POLD1: variants seen among roughly 807,000 people sequenced by gnomAD.
The protein encoded by POLD1 is DNA polymerase delta 1, catalytic subunit.
POLD1 carries 79 observed loss-of-function variants against 129.7 expected under a neutral mutation model. That is an observed-to-expected ratio of 0.61 (90% CI 0.51 to 0.73). The LOEUF is 0.73. POLD1 is among the 30% of genes least tolerant of loss of function. The probability of loss-of-function intolerance (pLI) is 0.00; values close to 1 mark genes in which losing one functional copy is unlikely to be tolerated. For synonymous variants in POLD1, 714 were observed against 683.3 expected, an observed-to-expected ratio of 1.04 and a Z score of -0.70; for missense variants, 1,338 against 1,595.8, an observed-to-expected ratio of 0.84 and a Z score of 2.75.
At chr19:50,403,669 C>T in intron 10 of POLD1, 72 bp downstream of exon 10, 1 of 936,878 alleles carries the variant, frequency 1.1e-6, no homozygotes. Flanking sequence ...GGCCTCCTTC[C>T]CACTCCCTCT....
chr19:50,398,590 A>AG (rs1372709378), intron 1 of POLD1, among the ~76,000 whole-genome samples: 1 of 151,410 alleles, frequency 6.6e-6, no homozygotes, highest in Non-Finnish European at 1.5e-5. Flanking sequence ...AAAAAAAAAA[A>AG]AAGCAAGAGA....
At chr19:50,388,950 A>C (rs2038060458) in intron 1 of POLD1, among the ~76,000 whole-genome samples, 1 of 146,072 alleles carries the variant, frequency 6.8e-6, no homozygotes, top group Non-Finnish European at 1.5e-5. Flanking sequence ...CTCCTATTGC[A>C]GCTTCCTGAG....
At chr19:50,400,324 G>C (rs2038547679) in intron 3 of POLD1, among the ~76,000 whole-genome samples, 1 of 144,882 alleles carries the variant, frequency 6.9e-6, no homozygotes, top group African/African-American at 2.6e-5. Context: ...GGGTTCAAGT[G>C]ATCCTTCTTC....
Position 50,413,895 on chromosome 19 carries a change from A to AGG in POLD1, c.2388+19_2388+20dup. 6.3e-7 allele frequency: 1 copy of AGG among 1,578,004 alleles called. No homozygotes were observed. Among genetic ancestry groups the AGG allele is most frequent in the Non-Finnish European group, 8.6e-7 (1 of 1,161,822 alleles). Reference sequence around the variant, plus strand: ...GTTTGAGAAGGTGCGTGGCTGGGTCAGGGGCTCTGCATTTAGGTGCCCTCA... The same window carrying AGG: ...GTTTGAGAAGGTGCGTGGCTGGGTCAGGGGGGCTCTGCATTTAGGTGCCCTCA... On this transcript the variant is annotated intron_variant, in intron 19 of 26. Transcript: ENST00000440232.
rs878854543 is a variant in POLD1 at position 50,416,401 on chromosome 19, G to T, written c.2826G>T (p.Pro942=). 3 of 1,548,880 alleles carry T rather than the reference G, an allele frequency of 1.9e-6. No individual in the cohort carries two copies. Among genetic ancestry groups the T allele is most frequent in the South Asian group, 2.4e-5 (2 of 84,006 alleles). The change falls in exon 23 of 27, where the codon CCG becomes CCT. Residue 942 remains proline (P), a synonymous_variant. Transcript: ENST00000440232. ...GVAAYMKSED[P]LFVLEHSLPI... is the part of the protein sequence containing the mutation. ...TGACTGCCATGTGGCCGCAGGACCC[G>T]CTGTTCGTGCTGGAGCACAGCCTGC...
At chr19:50,407,776 C>T (rs1413678342) in intron 14 of POLD1, among the ~76,000 whole-genome samples, 1 of 143,834 alleles carries the variant, frequency 7.0e-6, no homozygotes, top group Non-Finnish European at 1.5e-5. Context: ...GGGGTTTCAC[C>T]GTGTTAGCCA....
Position 50,416,522 on chromosome 19 carries a change from C to G in POLD1, c.2947C>G (p.Leu983Val), listed in dbSNP as rs1313612116. ...ILGEGRAEAV[L>V]LRGDHTRCKT... Reference sequence around the variant, plus strand: ...GGGCGAGGGCCGTGCCGAGGCTGTGCTACTGCGTACGGGGGCACCAGGGGA... The same window carrying G: ...GGGCGAGGGCCGTGCCGAGGCTGTGGTACTGCGTACGGGGGCACCAGGGGA... Residue 983 changes from leucine to valine, a missense_variant, in exon 23 of 27, where the codon CTA becomes GTA. Around this residue, in one of 3 missense-constraint regions of POLD1, gnomAD observed 286 missense variants for 277.5 expected, o/e 1.03. Transcript: ENST00000440232. 6.4e-7 allele frequency: 1 copy of G among 1,552,818 alleles called. No homozygotes were observed. Among genetic ancestry groups the G allele is most frequent in the South Asian group, 1.2e-5 (1 of 84,394 alleles).
intron 3 of POLD1, 65 bp from the exon 4 acceptor site, chr19:50,401,713 C>G: frequency 1.3e-6 from 2 of 1,568,590 alleles, no homozygotes; most frequent in South Asian, 2.2e-5. Context: ...TATTTCGAGG[C>G]TGTGGAGACA....
At position 50,415,457 on chromosome 19, in the gene POLD1, G is replaced by C; in HGVS notation, c.2584G>C (p.Ala862Pro). The C allele has an allele frequency of 6.2e-7, 1 of 1,612,848 alleles. No homozygotes were observed. Among genetic ancestry groups the C allele is most frequent in the Non-Finnish European group, 8.5e-7 (1 of 1,179,836 alleles). ...CTACAGAGACCCTGAGGGCGCGGTG[G>C]CTCACGCACAGGACGTCATCTCGGA... Reference protein sequence around the residue: ...LIDRDPEGAVAHAQDVISDLL... With the variant: ...LIDRDPEGAVPHAQDVISDLL... The change falls in exon 21 of 27, where the codon GCT becomes CCT. Residue 862 changes from alanine to proline, a missense_variant. Transcript: ENST00000440232.
intron 3 of POLD1, among the ~76,000 whole-genome samples, chr19:50,401,265 A>G (rs932008092): frequency 1.4e-5 from 2 of 145,790 alleles, no homozygotes; most frequent in South Asian, 4.3e-4. Context: ...TATATTCTTT[A>G]TGTATTAATT....
intron 24 of POLD1, 74 bp downstream of exon 24, chr19:50,416,797 A>T (rs764474042): frequency 8.2e-7 from 1 of 1,215,648 alleles, no homozygotes; most frequent in Non-Finnish European, 1.1e-6. Flanking sequence ...CTAGACACCC[A>T]CCCCATCGGC....
At position 50,415,085 on chromosome 19, in the gene POLD1, A is replaced by C; in HGVS notation, c.2564+95A>C. The stretch of plus-strand genomic sequence containing the variant: ...TCTAGGCCCCAGCCCCTCCTCCCTC[A>C]GACCCACGGGTCCAGGCCCCCAGCC... On this transcript the variant is annotated intron_variant, in intron 20 of 26. Coordinates refer to ENST00000440232, the MANE Select transcript of POLD1 (RefSeq NM_002691.4). The C allele has an allele frequency of 2.5e-6, 3 of 1,199,104 alleles. No homozygotes were observed. In the South Asian group the frequency reaches 5.2e-5, roughly 21 times the overall value. The allele number at this position is 1,199,104 out of a possible 1,614,324, so 74.3% of individuals were successfully genotyped here.
chr19:50,409,706 G>A lies in POLD1; in HGVS notation c.2154+40G>A, dbSNP rs2039026754. The A allele has an allele frequency of 6.4e-7, 1 of 1,565,818 alleles. No homozygotes were observed. The highest frequency in any genetic ancestry group is 8.7e-7 in the Non-Finnish European group (1 of 1,153,120). ...CCCTGGAAGGCAACTGGGGGCAGGT[G>A]GGCCCCCTGTGTAGGAGACCAGGGC... On this transcript the variant is annotated intron_variant, in intron 17 of 26. Transcript: ENST00000440232. This position sits in a 1 kb window ranked among gnomAD's most constrained non-coding sequence, Gnocchi z 5.8.
intron 1 of POLD1, among the ~76,000 whole-genome samples, chr19:50,385,270 G>A (rs2037931225): frequency 6.6e-6 from 1 of 152,180 alleles, no homozygotes. Context: ...CTTTGCGGGC[G>A]GAGACAGGGG....
chr19:50,411,402 C>T (rs1221847404), intron 17 of POLD1, among the ~76,000 whole-genome samples: 1 of 152,200 alleles, frequency 6.6e-6, no homozygotes, highest in African/African-American at 2.4e-5. Context: ...CTTGGCCCTC[C>T]CCTGGGGCTG....
Position 50,408,865 on chromosome 19 carries a change from C to A in POLD1, c.1856C>A (p.Thr619Asn), listed in dbSNP as rs780291643. 2 of 1,613,824 alleles carry A rather than the reference C, an allele frequency of 1.2e-6. No homozygotes were observed. Among genetic ancestry groups the A allele is most frequent in the East Asian group, 2.2e-5 (1 of 44,884 alleles). The change falls in exon 15 of 27, where the codon ACC becomes AAC. Residue 619 changes from threonine (T) to asparagine (N), a missense_variant. Thr to Asn is a moderately conservative substitution (Grantham distance 65, BLOSUM62 0). Coordinates refer to ENST00000440232, the MANE Select transcript of POLD1 (RefSeq NM_002691.4). The part of the protein sequence containing the change: ...SIMMAHNLCY[T>N]TLLRPGTAQK... Reference sequence around the variant, plus strand: ...ATGATGGCCCACAACCTGTGTTACACCACGCTCCTTCGGCCCGGGACTGCA... The same window carrying A: ...ATGATGGCCCACAACCTGTGTTACAACACGCTCCTTCGGCCCGGGACTGCA...
rs562388532 is a variant in POLD1 at position 50,401,882 on chromosome 19, A to G, written c.421A>G (p.Ile141Val). 6.2e-7 allele frequency: 1 copy of G among 1,613,980 alleles called. No individual in the cohort carries two copies. The highest frequency in any genetic ancestry group is 1.7e-5 in the Admixed American group (1 of 60,006). Reference protein sequence around the residue: ...TDEGFSVCCHIHGFAPYFYTP... With the variant: ...TDEGFSVCCHVHGFAPYFYTP... Reference sequence around the variant, plus strand: ...TGAGGGGTTCTCTGTCTGCTGCCACATCCACGGCTTCGCTCCCTACTTCTA... The same window carrying G: ...TGAGGGGTTCTCTGTCTGCTGCCACGTCCACGGCTTCGCTCCCTACTTCTA... The change falls in exon 4 of 27, where the codon ATC becomes GTC. Residue 141 changes from isoleucine (I) to valine (V), a missense_variant. Ile to Val is a conservative substitution (Grantham distance 29). Transcript: ENST00000440232.
intron 17 of POLD1, among the ~76,000 whole-genome samples, chr19:50,412,764 TTGTGTGTG>T (rs71707090): frequency 8.6e-5 from 13 of 150,410 alleles, no homozygotes; most frequent in Non-Finnish European, 1.9e-4. Flanking sequence ...TTTTTTAGTT[TTGTGTGTG>T]TGTGTGTGTG....
chr19:50,399,094 G>A lies in POLD1; in HGVS notation c.202+41G>A, dbSNP rs56055109. 2,701 of 1,550,304 alleles carry A rather than the reference G, an allele frequency of 1.7e-3. 42 individuals are homozygous for A. In the African/African-American group the frequency reaches 0.033, roughly 19 times the overall value. ...GGAGGTTCCTGCTGCCCAACCCATT[G>A]CCCCTGGTCTTGCCTTTGGTCCAAG... On this transcript the variant is annotated intron_variant, in intron 2 of 26. Coordinates refer to ENST00000440232, the MANE Select transcript of POLD1 (RefSeq NM_002691.4).
Sources: gnomAD v4.1 joint callset for allele counts (sites outside exome capture counted in the v4.1 genomes callset) on GRCh38, gnomAD v4.1.1 for gene constraint, gnomAD v4.1.1 regional missense constraint, Gnocchi (gnomAD v3.1) non-coding constraint, MANE v1.5 for transcripts, NCBI Gene and HGNC (gene_info 2026-07-23, HGNC 2026-07-21) for gene names.